HFM1: variants seen among roughly 807,000 people sequenced by gnomAD.
HFM1 encodes helicase for meiosis 1, also known as probable ATP-dependent DNA helicase HFM1.
Under a neutral mutation model 192.1 loss-of-function variants are expected in HFM1, and 169 were observed. That is an observed-to-expected ratio of 0.88 (90% CI 0.78 to 1.00). HFM1 has a LOEUF of 1.00. Among genes scored for constraint, HFM1 ranks in the 50% least tolerant of loss-of-function variants. HFM1 has a pLI of 0.00. For missense variants in HFM1, 1,661 were observed against 1,668.0 expected, an observed-to-expected ratio of 1.00 and a Z score of 0.07; for synonymous variants, 525 against 537.8, an observed-to-expected ratio of 0.98 and a Z score of 0.33.
intron 20 of HFM1, among the ~76,000 whole-genome samples, chr1:91,335,731 G>C (rs1373510953): frequency 6.6e-6 from 1 of 152,022 alleles, no homozygotes; most frequent in Non-Finnish European, 1.5e-5. Flanking sequence ...GGAGCATGGA[G>C]GACATGAGAA....
At chr1:91,286,681 C>G (rs959365584) in intron 30 of HFM1, among the ~76,000 whole-genome samples, 5 of 152,168 alleles carry the variant, frequency 3.3e-5, no homozygotes, top group African/African-American at 7.2e-5. Context: ...AGGAACATCT[C>G]CAGTCTACAG....
intron 13 of HFM1, among the ~76,000 whole-genome samples, chr1:91,366,585 A>G (rs933574620): frequency 6.6e-6 from 1 of 152,236 alleles, no homozygotes; most frequent in South Asian, 2.1e-4. Context: ...GAACTGGTCA[A>G]TGTTTTTGAA....
At chr1:91,265,895 G>A in intron 36 of HFM1, 122 bp downstream of exon 36, 1 of 1,300,178 alleles carries the variant, frequency 7.7e-7, no homozygotes, top group Non-Finnish European at 1.0e-6. Flanking sequence ...AAGATTAAGA[G>A]GGTTTAGGTT....
chr1:91,304,988 T>C (rs1557819034), intron 30 of HFM1, among the ~76,000 whole-genome samples: 1 of 152,166 alleles, frequency 6.6e-6, no homozygotes. Context: ...GAGGTAAAGG[T>C]TTATTTCTAC....
intron 30 of HFM1, among the ~76,000 whole-genome samples, chr1:91,287,026 G>A (rs1458103789): frequency 3.9e-5 from 6 of 152,084 alleles, no homozygotes; most frequent in Admixed American, 1.3e-4. Flanking sequence ...ACGGAGTCTC[G>A]CTGATTGCTA....
chr1:91,295,777 C>T (rs1453618611), intron 30 of HFM1, among the ~76,000 whole-genome samples: 1 of 151,874 alleles, frequency 6.6e-6, no homozygotes, highest in Non-Finnish European at 1.5e-5. Flanking sequence ...AAGTTTTGTG[C>T]CCTGTTTTTT....
chr1:91,390,004 A>T (rs1349890161), intron 4 of HFM1, among the ~76,000 whole-genome samples: 1 of 152,244 alleles, frequency 6.6e-6, no homozygotes, highest in Non-Finnish European at 1.5e-5. Flanking sequence ...ACACATTCAC[A>T]CAAAAACTTG....
intron 1 of HFM1, among the ~76,000 whole-genome samples, chr1:91,403,881 A>G (rs1441057033): frequency 6.6e-6 from 1 of 152,222 alleles, no homozygotes; most frequent in African/African-American, 2.4e-5. Flanking sequence ...CTTATTGTAT[A>G]AAATTATTGT....
chr1:91,377,880 T>C (rs1661085072), intron 11 of HFM1, 145 bp downstream of exon 11: 2 of 744,196 alleles, frequency 2.7e-6, no homozygotes, highest in Non-Finnish European at 4.5e-6. Context: ...TACTGTTATA[T>C]TTATGAGATC....
At chr1:91,367,944 A>G (rs1659606814) in intron 13 of HFM1, among the ~76,000 whole-genome samples, 2 of 152,232 alleles carry the variant, frequency 1.3e-5, no homozygotes, top group South Asian at 4.1e-4. Flanking sequence ...CACGAGAACT[A>G]TGTGACGAAT....
intron 16 of HFM1, among the ~76,000 whole-genome samples, chr1:91,351,913 T>A (rs1225521424): frequency 6.6e-6 from 1 of 152,010 alleles, no homozygotes; most frequent in Non-Finnish European, 1.5e-5. Context: ...GTATAAAAGT[T>A]GTAAGATTTG....
At chr1:91,329,257 T>C in intron 20 of HFM1, 2 of 1,609,646 alleles carry the variant, frequency 1.2e-6, no homozygotes, top group South Asian at 2.2e-5. Context: ...CCAGAGTCTG[T>C]GGAGCTGAAG....
chr1:91,285,153 G>C (rs1002672105), intron 30 of HFM1, among the ~76,000 whole-genome samples: 1 of 152,148 alleles, frequency 6.6e-6, no homozygotes, highest in African/African-American at 2.4e-5. Context: ...ACGTGGAACT[G>C]TGAGCCCATC....
At chr1:91,401,262 A>C (rs941950092) in intron 1 of HFM1, among the ~76,000 whole-genome samples, 153 bp from the exon 2 acceptor site, 1 of 152,232 alleles carries the variant, frequency 6.6e-6, no homozygotes, top group Non-Finnish European at 1.5e-5. Context: ...AAAGCACCTC[A>C]ATATTCACAT....
chr1:91,317,934 T>TG (rs1222619404), intron 25 of HFM1, among the ~76,000 whole-genome samples: 1 of 152,170 alleles, frequency 6.6e-6, no homozygotes, highest in Non-Finnish European at 1.5e-5. Flanking sequence ...TGAGTGTGTG[T>TG]GAAAACAGGT....
intron 36 of HFM1, among the ~76,000 whole-genome samples, chr1:91,264,307 A>T (rs1312626598): frequency 6.6e-6 from 1 of 151,042 alleles, no homozygotes; most frequent in East Asian, 1.9e-4. Context: ...TGATACTAAT[A>T]ATCAGTAATG....
At chr1:91,367,367 C>A (rs1471274625) in intron 13 of HFM1, among the ~76,000 whole-genome samples, 1 of 152,202 alleles carries the variant, frequency 6.6e-6, no homozygotes, top group Non-Finnish European at 1.5e-5. Flanking sequence ...TAGGGGCGGA[C>A]TGACACCTCA....
intron 13 of HFM1, among the ~76,000 whole-genome samples, chr1:91,368,245 A>G (rs1001207895): frequency 6.6e-6 from 1 of 152,162 alleles, no homozygotes; most frequent in Non-Finnish European, 1.5e-5. Context: ...AAATACAGAG[A>G]ACGCCACAAA....
At chr1:91,357,366 T>C (rs1212139541) in intron 13 of HFM1, among the ~76,000 whole-genome samples, 2 of 152,134 alleles carry the variant, frequency 1.3e-5, no homozygotes, top group Admixed American at 6.5e-5. Flanking sequence ...ACCATCTCAA[T>C]TGGTGCAGAA....
Sources: gnomAD v4.1 joint callset for allele counts (sites outside exome capture counted in the v4.1 genomes callset) on GRCh38, gnomAD v4.1.1 for gene constraint, MANE v1.5 for transcripts, NCBI Gene and HGNC (gene_info 2026-07-23, HGNC 2026-07-21) for gene names.